The following GULP1 variants were observed in gnomAD, a reference collection of about 807,000 sequenced individuals.
GULP1 encodes the protein PTB domain-containing engulfment adapter protein 1.
A neutral mutation model predicts 40.9 loss-of-function variants in GULP1; 19 were observed. The ratio of observed to expected loss-of-function variants is 0.46; its 90% confidence interval spans 0.32 to 0.68. The LOEUF (loss-of-function observed/expected upper bound fraction) is 0.68, where lower values mean the gene tolerates loss of function less well. Among genes scored for constraint, GULP1 ranks in the 30% least tolerant of loss-of-function variants. The probability of loss-of-function intolerance (pLI) is 0.03; values close to 1 mark genes in which losing one functional copy is unlikely to be tolerated. For synonymous variants in GULP1, 119 were observed against 117.6 expected (o/e 1.01, Z -0.08); for missense variants, 312 against 362.2 (o/e 0.86, Z 1.12).
chr2:188,555,177 T>C (rs1255116187), intron 7 of GULP1, among the ~76,000 whole-genome samples: 2 of 152,218 alleles, frequency 1.3e-5, no homozygotes. Context: ...GTTCCTGTCA[T>C]ATTGTTAATT....
chr2:188,471,714 A>T (rs1042345951), intron 2 of GULP1, among the ~76,000 whole-genome samples: 2 of 152,114 alleles, frequency 1.3e-5, no homozygotes, highest in East Asian at 3.9e-4. Context: ...ATTTCCATTT[A>T]TATCTTATTG....
At chr2:188,357,859 A>G (rs531459942) in intron 1 of GULP1, among the ~76,000 whole-genome samples, 9 of 152,282 alleles carry the variant, frequency 5.9e-5, no homozygotes, top group African/African-American at 1.2e-4. Flanking sequence ...GTATATGTGT[A>G]CAATACAATA....
At chr2:188,502,229 C>A (rs1234843825) in intron 4 of GULP1, among the ~76,000 whole-genome samples, 1 of 151,696 alleles carries the variant, frequency 6.6e-6, no homozygotes, top group Non-Finnish European at 1.5e-5. Flanking sequence ...CATCTGATAT[C>A]CATGGAAGGT....
chr2:188,410,869 G>A (rs1164956512), intron 2 of GULP1, among the ~76,000 whole-genome samples: 1 of 152,180 alleles, frequency 6.6e-6, no homozygotes, highest in Non-Finnish European at 1.5e-5. Flanking sequence ...ATAAGCTCCA[G>A]TAATAGATCT....
intron 1 of GULP1, among the ~76,000 whole-genome samples, chr2:188,299,342 A>G (rs1285069222): frequency 1.6e-4 from 24 of 152,184 alleles, no homozygotes; most frequent in Admixed American, 1.6e-3. Flanking sequence ...TAAACTTTCA[A>G]ATGGAAAACA....
intron 2 of GULP1, among the ~76,000 whole-genome samples, chr2:188,399,708 A>AAAC (rs1553540280): frequency 2.0e-5 from 3 of 150,214 alleles, no homozygotes; most frequent in Non-Finnish European, 3.0e-5. Flanking sequence ...AAAAAAAAAA[A>AAAC]AAAAAACATC....
chr2:188,493,313 C>G lies in GULP1; in HGVS notation c.90+9821C>G, dbSNP rs181674268. Among the ~76,000 whole-genome samples, 31 of 152,168 alleles carry G rather than the reference C, an allele frequency of 2.0e-4. No homozygotes were observed. In the East Asian group the frequency reaches 6.0e-3, roughly 30 times the overall value. ...TTCTCCTGTAGAAAAAAATCTGAAT[C>G]CATCCCAATTTCCCTCCTTGAAGGG... On this transcript the variant is annotated intron_variant, in intron 4 of 11. Coordinates refer to ENST00000409830, the MANE Select transcript of GULP1 (RefSeq NM_016315.4).
chr2:188,541,127 A>G, intron 6 of GULP1, 54 bp from the exon 7 acceptor site: 1 of 1,503,268 alleles, frequency 6.7e-7, no homozygotes, highest in East Asian at 2.3e-5. Flanking sequence ...CGAGTATTTC[A>G]GAAAATGAAA....
At chr2:188,305,660 G>T (rs769247052) in intron 1 of GULP1, among the ~76,000 whole-genome samples, 15 of 152,208 alleles carry the variant, frequency 9.9e-5, no homozygotes, top group African/African-American at 2.9e-4. Flanking sequence ...TATAATTATC[G>T]TGATACCACA....
intron 4 of GULP1, among the ~76,000 whole-genome samples, chr2:188,516,973 G>A (rs1023429191): frequency 4.6e-5 from 7 of 152,040 alleles, no homozygotes; most frequent in Non-Finnish European, 1.0e-4. Flanking sequence ...ACAGAAAGCA[G>A]ACACAGTCAC....
chr2:188,428,414 C>A (rs968711522), intron 2 of GULP1, among the ~76,000 whole-genome samples: 2 of 152,058 alleles, frequency 1.3e-5, no homozygotes, highest in Non-Finnish European at 2.9e-5. Context: ...AGATCTATGT[C>A]CCTGCTCAAA....
At chr2:188,549,376 T>C (rs908667467) in intron 7 of GULP1, among the ~76,000 whole-genome samples, 1 of 151,626 alleles carries the variant, frequency 6.6e-6, no homozygotes, top group East Asian at 1.9e-4. Flanking sequence ...GATATACAGA[T>C]GGAAAGTAAG....
intron 2 of GULP1, among the ~76,000 whole-genome samples, chr2:188,387,061 C>T (rs10198025): frequency 0.18 from 26,574 of 151,770 alleles, 2,404 homozygotes; most frequent in East Asian, 0.25. Context: ...CATGATGAAA[C>T]CCCGTCTCTA....
chr2:188,542,599 T>C (rs1414186194), intron 7 of GULP1, among the ~76,000 whole-genome samples: 1 of 152,166 alleles, frequency 6.6e-6, no homozygotes, highest in African/African-American at 2.4e-5. Context: ...CTTTTGTGAA[T>C]TTTGTGCACA....
At chr2:188,327,790 G>A (rs963281821) in intron 1 of GULP1, among the ~76,000 whole-genome samples, 2 of 152,058 alleles carry the variant, frequency 1.3e-5, no homozygotes, top group African/African-American at 2.4e-5. Flanking sequence ...ATTTTGGTGT[G>A]AGCCATATGA....
intron 2 of GULP1, among the ~76,000 whole-genome samples, chr2:188,421,252 C>T (rs930948078): frequency 6.6e-6 from 1 of 152,050 alleles, no homozygotes; most frequent in African/African-American, 2.4e-5. Flanking sequence ...GTTTGTATAT[C>T]CCCATTTTTA....
chr2:188,455,978 C>T (rs1026576854), intron 2 of GULP1, among the ~76,000 whole-genome samples: 3 of 152,170 alleles, frequency 2.0e-5, no homozygotes, highest in African/African-American at 7.2e-5. Context: ...TGGCATTTTG[C>T]TCCTGCCCTA....
intron 2 of GULP1, among the ~76,000 whole-genome samples, chr2:188,470,147 A>T (rs911278398): frequency 2.0e-5 from 3 of 152,078 alleles, no homozygotes; most frequent in Admixed American, 6.6e-5. Flanking sequence ...TTAATTCTCT[A>T]AATGTTTGGT....
intron 3 of GULP1, among the ~76,000 whole-genome samples, chr2:188,480,658 G>A (rs1016734243): frequency 2.6e-5 from 4 of 151,644 alleles, no homozygotes; most frequent in African/African-American, 7.3e-5. Flanking sequence ...CGAAATTTTA[G>A]TGATTGTCTT....
Sources: gnomAD v4.1 joint callset for allele counts (sites outside exome capture counted in the v4.1 genomes callset) on GRCh38, gnomAD v4.1.1 for gene constraint, MANE v1.5 for transcripts, NCBI Gene and HGNC (gene_info 2026-07-23, HGNC 2026-07-21) for gene names.